Variants in DDX4 observed in about 807,000 individuals in gnomAD.
DDX4 encodes probable ATP-dependent RNA helicase DDX4.
Under a neutral mutation model 100.0 loss-of-function variants are expected in DDX4, and 25 were observed. The ratio of observed to expected loss-of-function variants is 0.25; its 90% confidence interval spans 0.18 to 0.35. DDX4 has a LOEUF of 0.35. Ranked by LOEUF, DDX4 falls within the 10% of genes least tolerant of loss-of-function variation. DDX4 has a pLI of 1.00. For synonymous variants in DDX4, 259 were observed against 275.7 expected (o/e 0.94, Z 0.60); for missense variants, 635 against 882.4 (o/e 0.72, Z 3.55).
intron 8 of DDX4, 58 bp downstream of exon 8, chr5:55,780,123 A>T (rs186469084): frequency 5.9e-5 from 94 of 1,585,454 alleles, no homozygotes; most frequent in African/African-American, 5.8e-4. Context: ...AAAATGATTT[A>T]AAAAAATACG....
At chr5:55,795,510 C>T (rs1226152977) in intron 17 of DDX4, among the ~76,000 whole-genome samples, 1 of 152,204 alleles carries the variant, frequency 6.6e-6, no homozygotes, top group East Asian at 1.9e-4. Flanking sequence ...TAGCTCATGC[C>T]TATAATCCCA....
chr5:55,781,965 C>T lies in DDX4; in HGVS notation c.609C>T (p.Gly203=). ...GNGDTSQSRS[G]SGSERGGYKG... ...GTGATACTTCTCAAAGCAGAAGTGG[C>T]AGTGGAAGTGAACGAGGTAAGTTCT... The change falls in exon 10 of 22, where the codon GGC becomes GGT. Residue 203 remains glycine (G), a synonymous_variant. Coordinates refer to ENST00000505374, the MANE Select transcript of DDX4 (RefSeq NM_024415.3). 6.2e-7 allele frequency: 1 copy of T among 1,613,906 alleles called. No homozygotes were observed. Among genetic ancestry groups the T allele is most frequent in the Non-Finnish European group, 8.5e-7 (1 of 1,179,952 alleles).
chr5:55,815,942 T>TG, intron 21 of DDX4, among the ~76,000 whole-genome samples: 1 of 148,414 alleles, frequency 6.7e-6, no homozygotes, highest in South Asian at 2.1e-4. Context: ...AGCTGGTTTT[T>TG]TTTTTTTTTT....
chr5:55,750,092 T>C (rs1759461873), intron 3 of DDX4: 1 of 153,196 alleles, frequency 6.5e-6, no homozygotes, highest in Non-Finnish European at 1.5e-5. Flanking sequence ...GCAGTCGATT[T>C]GCTGTTGTAT....
chr5:55,814,160 G>A (rs1280822691), intron 19 of DDX4, among the ~76,000 whole-genome samples: 7 of 152,084 alleles, frequency 4.6e-5, no homozygotes, highest in African/African-American at 1.4e-4. Context: ...TATTAATACC[G>A]TTTTATGGGC....
chr5:55,794,137 GGTAC>G (rs1742760702), intron 17 of DDX4, among the ~76,000 whole-genome samples: 1 of 151,694 alleles, frequency 6.6e-6, no homozygotes. Flanking sequence ...CTTTCTTAGT[GGTAC>G]ATAAAACAAT....
intron 18 of DDX4, among the ~76,000 whole-genome samples, chr5:55,798,959 T>C (rs1743133573): frequency 6.6e-6 from 1 of 152,170 alleles, no homozygotes; most frequent in African/African-American, 2.4e-5. Flanking sequence ...GCTTCCCAAA[T>C]TCATAGATTT....
intron 3 of DDX4, among the ~76,000 whole-genome samples, chr5:55,758,060 A>G (rs1760052835): frequency 6.6e-6 from 1 of 152,158 alleles, no homozygotes. Context: ...AGACAAAACA[A>G]AAAAATTCTC....
intron 3 of DDX4, among the ~76,000 whole-genome samples, chr5:55,759,273 G>A (rs1381289457): frequency 6.6e-6 from 1 of 151,196 alleles, no homozygotes; most frequent in Non-Finnish European, 1.5e-5. Context: ...TTATTTTCTA[G>A]TATAAATATT....
chr5:55,739,836 A>G (rs976643651), intron 2 of DDX4, among the ~76,000 whole-genome samples: 2 of 152,196 alleles, frequency 1.3e-5, no homozygotes, highest in African/African-American at 4.8e-5. Flanking sequence ...TACCCAAAAT[A>G]CTAATATAAA....
chr5:55,770,939 T>G (rs2111887451), intron 7 of DDX4, among the ~76,000 whole-genome samples: 2 of 152,318 alleles, frequency 1.3e-5, no homozygotes, highest in East Asian at 1.9e-4. Context: ...TCAATTTAAT[T>G]CATATTTAAA....
chr5:55,767,915 G>A lies in DDX4; in HGVS notation c.369G>A (p.Arg123=). 3 of 1,613,916 alleles carry A rather than the reference G, an allele frequency of 1.9e-6. No homozygotes were observed. Among genetic ancestry groups the A allele is most frequent in the Non-Finnish European group, 8.5e-7 (1 of 1,179,916 alleles). The part of the protein sequence containing the change: ...SSNDCEDNPT[R]NRGFSKRGGY... ...ATGACTGCGAAGATAATCCAACACG[G>A]AACAGAGGGTTTTCCAAGAGAGGCG... Residue 123 remains arginine, a synonymous_variant, in exon 7 of 22, where the codon CGG becomes CGA. Coordinates refer to ENST00000505374, the MANE Select transcript of DDX4 (RefSeq NM_024415.3).
intron 3 of DDX4, among the ~76,000 whole-genome samples, chr5:55,757,586 A>G (rs758892903): frequency 6.6e-6 from 1 of 152,146 alleles, no homozygotes; most frequent in Non-Finnish European, 1.5e-5. Context: ...TTTTCATATA[A>G]TGACTTCTTT....
In DDX4 at chr5:55,764,083, T is replaced by A. The variant is rs778870508; in HGVS notation, c.334+19T>A. 6.3e-7 allele frequency: 1 copy of A among 1,582,502 alleles called. No individual in the cohort carries two copies. Among genetic ancestry groups the A allele is most frequent in the Non-Finnish European group, 8.7e-7 (1 of 1,151,754 alleles). ...TGGAGAGGTAAGGTTGATATTTTTG[T>A]GTTTTAAAATTTAATGTCAAGAGTA... is the stretch of plus-strand genomic sequence containing the variant. On this transcript the variant is annotated intron_variant, in intron 6 of 21. Coordinates refer to ENST00000505374, the MANE Select transcript of DDX4 (RefSeq NM_024415.3).
intron 10 of DDX4, among the ~76,000 whole-genome samples, chr5:55,784,513 A>G (rs1455969361): frequency 6.6e-6 from 1 of 152,240 alleles, no homozygotes; most frequent in Non-Finnish European, 1.5e-5. Context: ...TCAAATTGAC[A>G]CCGCAAATTA....
In DDX4 at chr5:55,785,348, A is replaced by C. The variant is rs763799913; in HGVS notation, c.673+4A>C. On this transcript the variant is annotated splice_donor_region_variant and intron_variant, in intron 11 of 21. Transcript: ENST00000505374. The stretch of plus-strand genomic sequence containing the variant: ...GTAATAACAGGCTCTGGAAAGAGTA[A>C]GTTTTCCTTAAACAAGGTGTTTGAT... 3 of 1,604,046 alleles carry C rather than the reference A, an allele frequency of 1.9e-6. No homozygotes were observed. The South Asian group carries it at 3.3e-5, about 18-fold the overall frequency.
chr5:55,816,670 T>TAAAAAA lies in DDX4; in HGVS notation c.*135_*140dup. The stretch of plus-strand genomic sequence containing the variant: ...GTCCTTGTATTCTCACTCCTACACT[T>TAAAAAA]AAAAAAAAAATCCTTACTGACTAGT... On this transcript the variant is annotated 3_prime_UTR_variant, in exon 22 of 22. Transcript: ENST00000505374. 2 of 1,298,914 alleles carry TAAAAAA rather than the reference T, an allele frequency of 1.5e-6. No homozygotes were observed. The highest frequency in any genetic ancestry group is 2.0e-6 in the Non-Finnish European group (2 of 988,026). 80.5% of individuals were successfully genotyped at this position (1,298,914 alleles called of 1,614,324 possible). A position where few individuals can be genotyped will look rare whatever the true frequency, so the allele number is the denominator to read the frequency against.
At chr5:55,740,643 C>T (rs1183019254) in intron 2 of DDX4, among the ~76,000 whole-genome samples, 3 of 149,800 alleles carry the variant, frequency 2.0e-5, no homozygotes, top group Non-Finnish European at 4.4e-5. Flanking sequence ...GTAGCTGGGA[C>T]TACACGTGTG....
chr5:55,769,453 G>T lies in DDX4; in HGVS notation c.394+1513G>T, dbSNP rs558879935. On this transcript the variant is annotated intron_variant, in intron 7 of 21. Transcript: ENST00000505374. ...GTGTGTGGAATTCCTATTTGCAGAT[G>T]GTATGATTTTATACCTAGAAAACCC... Among the ~76,000 whole-genome samples the T allele has an allele frequency of 2.6e-5, 4 of 151,982 alleles. No individual in the cohort carries two copies. In the South Asian group the frequency reaches 8.3e-4, roughly 32 times the overall value.
Sources: gnomAD v4.1 joint callset for allele counts (sites outside exome capture counted in the v4.1 genomes callset) on GRCh38, gnomAD v4.1.1 for gene constraint, MANE v1.5 for transcripts, NCBI Gene and HGNC (gene_info 2026-07-23, HGNC 2026-07-21) for gene names.